AP3D1: variants seen among roughly 807,000 people sequenced by gnomAD.
AP3D1 encodes AP-3 complex subunit delta-1.
A neutral mutation model predicts 147.6 loss-of-function variants in AP3D1; 51 were observed. That is an observed-to-expected ratio of 0.35 (90% CI 0.28 to 0.44). The LOEUF (loss-of-function observed/expected upper bound fraction) is 0.44, where lower values mean the gene tolerates loss of function less well. AP3D1 is among the 20% of genes least tolerant of loss of function. The pLI, the probability that AP3D1 is intolerant of heterozygous loss-of-function variation, is 1.00. For synonymous variants in AP3D1, 760 were observed against 663.0 expected (o/e 1.15, Z -2.25); for missense variants, 1,421 against 1,624.2 (o/e 0.87, Z 2.15).
At chr19:2,164,066 C>A in intron 1 of AP3D1, 1 of 562,858 alleles carries the variant, frequency 1.8e-6, no homozygotes, top group Non-Finnish European at 2.3e-6. Flanking sequence ...AGGCCGAGGC[C>A]AGGCCCCCTC....
intron 15 of AP3D1, 27 bp from the exon 16 acceptor site, chr19:2,117,394 G>A (rs1401191133): frequency 1.3e-6 from 2 of 1,553,676 alleles, no homozygotes; most frequent in Admixed American, 1.9e-5. Flanking sequence ...GGTCACTGCT[G>A]GCACCTGCCC....
At chr19:2,157,606 C>T (rs2019658817) in intron 1 of AP3D1, among the ~76,000 whole-genome samples, 2 of 151,134 alleles carry the variant, frequency 1.3e-5, no homozygotes, top group Non-Finnish European at 3.0e-5. Context: ...TCCATCCACC[C>T]ACCCACTAAC....
In AP3D1 at chr19:2,103,407, T is replaced by C. The variant is rs146278206; in HGVS notation, c.3553-1139A>G. Among the ~76,000 whole-genome samples, 474 of 152,274 alleles carry C rather than the reference T, an allele frequency of 3.1e-3. 2 individuals carry two copies. Among genetic ancestry groups the C allele is most frequent in the Middle Eastern group, 0.014 (4 of 294 alleles). Reference sequence around the variant, plus strand: ...AGCTAGCAGACAGTTGAGCACTGTCTGTCCTTCCGCCCTCCTGCCACTGGG... The same window carrying C: ...AGCTAGCAGACAGTTGAGCACTGTCCGTCCTTCCGCCCTCCTGCCACTGGG... On this transcript the variant is annotated intron_variant, in intron 31 of 31. Coordinates refer to ENST00000643116, the MANE Select transcript of AP3D1 (RefSeq NM_001261826.3).
In AP3D1 at chr19:2,109,957, T is replaced by C. The variant is rs778863085; in HGVS notation, c.3266A>G (p.Asn1089Ser). ...LKGTLSFIAKNDEGATHEKLD... is the reference protein window; with the variant it reads ...LKGTLSFIAKSDEGATHEKLD... ...CTTCTCGTGGGTCGCACCCTCGTCA[T>C]TCTGCGGTGGAGTGAAGGTGGTGCA... The change falls in exon 29 of 32, where the codon AAT becomes AGT. Residue 1089 changes from asparagine to serine, a missense_variant and splice_region_variant. Transcript: ENST00000643116. 1.2e-6 allele frequency: 2 copies of C among 1,613,542 alleles called. No individual in the cohort carries two copies. The highest frequency in any genetic ancestry group is 1.7e-6 in the Non-Finnish European group (2 of 1,179,910).
intron 8 of AP3D1, among the ~76,000 whole-genome samples, chr19:2,128,589 C>T (rs2018836449): frequency 2.8e-5 from 2 of 71,426 alleles, no homozygotes; most frequent in East Asian, 4.1e-4. Context: ...CGGCCCGCCC[C>T]CGCCGCTCCG....
chr19:2,132,008 C>T (rs1214834552), intron 5 of AP3D1, among the ~76,000 whole-genome samples: 1 of 152,220 alleles, frequency 6.6e-6, no homozygotes, highest in African/African-American at 2.4e-5. Flanking sequence ...GAGGTTAAGT[C>T]AGGCACAAAA....
At chr19:2,153,991 A>G (rs1599505415), upstream of AP3D1, among the ~76,000 whole-genome samples, 1 of 137,864 alleles carries the variant, frequency 7.3e-6, no homozygotes, top group Non-Finnish European at 1.5e-5. Flanking sequence ...TCTGTTGCCC[A>G]GGCTGGAATG....
At chr19:2,164,536 C>T (rs907236900), upstream of AP3D1, 19 of 280,184 alleles carry the variant, frequency 6.8e-5, no homozygotes, top group Non-Finnish European at 1.0e-4. Context: ...CGGGCTGTCC[C>T]GGGCGCGGAA....
At chr19:2,115,029 G>C (rs2018400419) in intron 20 of AP3D1, among the ~76,000 whole-genome samples, 190 bp downstream of exon 20, 1 of 152,218 alleles carries the variant, frequency 6.6e-6, no homozygotes, top group African/African-American at 2.4e-5. Flanking sequence ...CTCTGAAGCT[G>C]CTGGCCCTGG....
chr19:2,160,142 C>G (rs976847619), intron 1 of AP3D1, among the ~76,000 whole-genome samples: 2 of 152,166 alleles, frequency 1.3e-5, no homozygotes, highest in Non-Finnish European at 2.9e-5. Flanking sequence ...AGCCACCGTG[C>G]CCAGCCTTCT....
intron 1 of AP3D1, among the ~76,000 whole-genome samples, chr19:2,139,163 G>A (rs535582253): frequency 5.8e-4 from 88 of 151,798 alleles, no homozygotes; most frequent in African/African-American, 2.0e-3. Flanking sequence ...CCAATCCAGA[G>A]ACAGGAAGGG....
At chr19:2,134,789 C>T (rs530205310) in intron 4 of AP3D1, among the ~76,000 whole-genome samples, 23 of 150,706 alleles carry the variant, frequency 1.5e-4, no homozygotes, top group Non-Finnish European at 2.4e-4. Context: ...TTAGTACAGA[C>T]GGGGTTTCAC....
chr19:2,141,272 C>G (rs1441846011), intron 1 of AP3D1, among the ~76,000 whole-genome samples: 2 of 152,062 alleles, frequency 1.3e-5, no homozygotes, highest in Non-Finnish European at 2.9e-5. Flanking sequence ...CTTCACCACA[C>G]AGCAAGTGAG....
chr19:2,119,050 G>A (rs2018538214), intron 14 of AP3D1, among the ~76,000 whole-genome samples: 1 of 152,242 alleles, frequency 6.6e-6, no homozygotes. Flanking sequence ...AGATGACAGA[G>A]CCACTGAATG....
chr19:2,113,657 C>T (rs1296536543), intron 22 of AP3D1, among the ~76,000 whole-genome samples: 1 of 152,240 alleles, frequency 6.6e-6, no homozygotes, highest in African/African-American at 2.4e-5. Flanking sequence ...TGTGCCATTC[C>T]AGTGGTCAGA....
At chr19:2,109,637 G>A in intron 29 of AP3D1, 1 of 551,940 alleles carries the variant, frequency 1.8e-6, no homozygotes, top group Non-Finnish European at 3.3e-6. Context: ...CAGCCTTCAG[G>A]ACTTCCAGGG....
At chr19:2,158,608 C>CT (rs1210998373) in intron 1 of AP3D1, among the ~76,000 whole-genome samples, 3,287 of 143,686 alleles carry the variant, frequency 0.023, 97 homozygotes, top group African/African-American at 0.073. Flanking sequence ...GATCCCAGCT[C>CT]TTTTTTTTTT....
chr19:2,162,621 C>T (rs1345191539), intron 1 of AP3D1, among the ~76,000 whole-genome samples: 1 of 151,430 alleles, frequency 6.6e-6, no homozygotes, highest in Non-Finnish European at 1.5e-5. Context: ...GAGATCGTGC[C>T]ACTGCACTCC....
intron 11 of AP3D1, among the ~76,000 whole-genome samples, chr19:2,122,460 G>A (rs909632814): frequency 5.3e-5 from 8 of 152,226 alleles, no homozygotes; most frequent in Non-Finnish European, 1.0e-4. Context: ...TGAGGTCCAC[G>A]GAGAAAACGC....
Sources: allele counts gnomAD v4.1 joint callset (sites outside exome capture counted in the v4.1 genomes callset), GRCh38; gene constraint gnomAD v4.1.1; transcripts MANE v1.5; gene names NCBI Gene and HGNC (gene_info 2026-07-23, HGNC 2026-07-21).